The following MARCHF8 variants were observed in gnomAD, a reference collection of about 807,000 sequenced individuals.
MARCHF8 encodes E3 ubiquitin-protein ligase MARCHF8.
A neutral mutation model predicts 51.6 loss-of-function variants in MARCHF8; 40 were observed. That is an observed-to-expected ratio of 0.77 (90% CI 0.60 to 1.01). The LOEUF (loss-of-function observed/expected upper bound fraction) is 1.01, where lower values mean the gene tolerates loss of function less well. Ranked by LOEUF, MARCHF8 falls within the 50% of genes least tolerant of loss-of-function variation. The pLI is 0.00. For missense variants in MARCHF8, 685 were observed against 708.6 expected (o/e 0.97, Z 0.38); for synonymous variants, 263 against 280.3 (o/e 0.94, Z 0.62).
At chr10:45,539,580 A>G (rs1205785248), upstream of MARCHF8, among the ~76,000 whole-genome samples, 1 of 152,196 alleles carries the variant, frequency 6.6e-6, no homozygotes, top group Non-Finnish European at 1.5e-5. Flanking sequence ...TAGCAAGACT[A>G]ATAAAGAAGA....
intron 1 of MARCHF8, among the ~76,000 whole-genome samples, chr10:45,562,091 G>A (rs573929817): frequency 8.2e-4 from 124 of 151,940 alleles, no homozygotes; most frequent in Non-Finnish European, 1.5e-3. Flanking sequence ...ATGCCAAATT[G>A]GAATAAATTA....
chr10:45,584,059 T>C (rs1245511496), intron 1 of MARCHF8, among the ~76,000 whole-genome samples: 1 of 141,792 alleles, frequency 7.1e-6, no homozygotes, highest in Non-Finnish European at 1.5e-5. Flanking sequence ...TTTTTGTAAG[T>C]CTATATAGTA....
chr10:45,584,006 CA>C (rs67624741), intron 1 of MARCHF8, among the ~76,000 whole-genome samples: 77 of 53,042 alleles, frequency 1.5e-3, no homozygotes, highest in East Asian at 5.7e-3. Context: ...ACTTCATTTC[CA>C]AAAAAAAAAA....
At chr10:45,492,996 G>T (rs572346954) in intron 2 of MARCHF8, among the ~76,000 whole-genome samples, 1 of 152,322 alleles carries the variant, frequency 6.6e-6, no homozygotes, top group East Asian at 1.9e-4. Context: ...TTCAGATTTT[G>T]AAGCATGCTG....
intron 1 of MARCHF8, among the ~76,000 whole-genome samples, chr10:45,565,151 A>T (rs192974919): frequency 4.3e-4 from 66 of 152,270 alleles, no homozygotes; most frequent in African/African-American, 1.5e-3. Context: ...CATAAAATAC[A>T]TGACAGTAGG....
At chr10:45,503,329 G>C (rs1199797549) in intron 2 of MARCHF8, among the ~76,000 whole-genome samples, 4 of 151,922 alleles carry the variant, frequency 2.6e-5, no homozygotes, top group Admixed American at 1.3e-4. Flanking sequence ...CGAGGTCAAG[G>C]GATCAAGACC....
intron 6 of MARCHF8, 99 bp from the exon 7 acceptor site, chr10:45,459,366 T>C (rs1842716154): frequency 7.5e-7 from 1 of 1,329,640 alleles, no homozygotes; most frequent in African/African-American, 1.5e-5. Context: ...TCCACCCCAC[T>C]TCTCCCTTCC....
intron 1 of MARCHF8, among the ~76,000 whole-genome samples, chr10:45,591,610 C>G (rs1202846193): frequency 6.6e-6 from 1 of 152,180 alleles, no homozygotes; most frequent in Non-Finnish European, 1.5e-5. Context: ...AATACATACT[C>G]TTATATGCGT....
intron 7 of MARCHF8, 31 bp downstream of exon 7, chr10:45,459,089 A>G: frequency 6.2e-7 from 1 of 1,613,394 alleles, no homozygotes; most frequent in Non-Finnish European, 8.5e-7. Context: ...CCCGGCCCCC[A>G]TGCTGAGCTT....
At chr10:45,486,961 C>G (rs1425017108) in intron 3 of MARCHF8, among the ~76,000 whole-genome samples, 1 of 151,914 alleles carries the variant, frequency 6.6e-6, no homozygotes, top group Non-Finnish European at 1.5e-5. Context: ...AGGTGTGCAC[C>G]ACCACGCCTG....
chr10:45,491,247 T>C (rs1321734056), intron 2 of MARCHF8, among the ~76,000 whole-genome samples: 4 of 152,132 alleles, frequency 2.6e-5, no homozygotes, highest in Non-Finnish European at 5.9e-5. Flanking sequence ...GCTCAAAGTG[T>C]TGGGAGAATG....
chr10:45,533,267 C>T lies in MARCHF8; in HGVS notation c.-56G>A. ...AGAAGAGAGTCTCCACTGGTAGAGT[C>T]ATTTTGGGCCATGGATTTCAAGCTG... On this transcript the variant is annotated 5_prime_UTR_variant, in exon 2 of 8. It removes an upstream start codon present in the reference 5' UTR. Transcript: ENST00000453424. 1 of 1,532,064 alleles carries T rather than the reference C, an allele frequency of 6.5e-7. No homozygotes were observed. Among genetic ancestry groups the T allele is most frequent in the Non-Finnish European group, 8.7e-7 (1 of 1,143,802 alleles). The allele number at this position is 1,532,064 out of a possible 1,614,324, so 94.9% of individuals were successfully genotyped here. A position where few individuals can be genotyped will look rare whatever the true frequency, so the allele number is the denominator to read the frequency against.
chr10:45,519,236 G>A (rs1400956980), intron 2 of MARCHF8, among the ~76,000 whole-genome samples: 3 of 152,126 alleles, frequency 2.0e-5, no homozygotes, highest in Non-Finnish European at 4.4e-5. Context: ...GTACAATAAG[G>A]AGTTCCTACT....
intron 2 of MARCHF8, among the ~76,000 whole-genome samples, chr10:45,495,858 G>A (rs561449768): frequency 7.3e-5 from 11 of 151,336 alleles, no homozygotes; most frequent in African/African-American, 2.7e-4. Flanking sequence ...GAAAAGAGAA[G>A]AAGAGAAGAG....
chr10:45,495,764 A>C (rs1054189651), intron 2 of MARCHF8, among the ~76,000 whole-genome samples: 1 of 17,370 alleles, frequency 5.8e-5, no homozygotes, highest in East Asian at 1.9e-3. Context: ...AGGGGAGGGG[A>C]GGGGATGCTA....
intron 2 of MARCHF8, 55 bp from the exon 3 acceptor site, chr10:45,489,472 G>T: frequency 6.7e-7 from 1 of 1,483,596 alleles, no homozygotes; most frequent in South Asian, 1.2e-5. Flanking sequence ...AATATGCAAA[G>T]AACAAGTAAT....
intron 1 of MARCHF8, among the ~76,000 whole-genome samples, chr10:45,582,867 C>T (rs1294467280): frequency 6.6e-6 from 1 of 152,068 alleles, no homozygotes; most frequent in Non-Finnish European, 1.5e-5. Flanking sequence ...AGACTACTAC[C>T]TGGCTTTGCA....
At chr10:45,482,937 T>C (rs564945467) in intron 3 of MARCHF8, among the ~76,000 whole-genome samples, 2 of 152,180 alleles carry the variant, frequency 1.3e-5, no homozygotes, top group Admixed American at 1.3e-4. Flanking sequence ...GAGAGATCCA[T>C]ACGCAGATGA....
At chr10:45,557,320 G>A (rs1340623482) in intron 1 of MARCHF8, among the ~76,000 whole-genome samples, 1 of 151,466 alleles carries the variant, frequency 6.6e-6, no homozygotes, top group South Asian at 2.1e-4. Context: ...GTAGAGACGG[G>A]GTTTTGCCAC....
Sources: gnomAD v4.1 joint callset for allele counts (sites outside exome capture counted in the v4.1 genomes callset) on GRCh38, gnomAD v4.1.1 for gene constraint, MANE v1.5 for transcripts, NCBI Gene and HGNC (gene_info 2026-07-23, HGNC 2026-07-21) for gene names.